Variants in RSPH9 observed in about 807,000 individuals in gnomAD.
RSPH9 encodes the protein radial spoke head protein 9 homolog.
In RSPH9, 27 loss-of-function variants were observed where a neutral mutation model predicts 27.0. That is an observed-to-expected ratio of 1.00 (90% CI 0.74 to 1.38). RSPH9 has a LOEUF of 1.38. Ranked by LOEUF, RSPH9 falls within the 40% of genes most tolerant of loss-of-function variation. The pLI, the probability that RSPH9 is intolerant of heterozygous loss-of-function variation, is 0.00. For synonymous variants in RSPH9, 145 were observed against 147.7 expected (o/e 0.98, Z 0.13); for missense variants, 347 against 357.4 (o/e 0.97, Z 0.24).
At chr6:43,656,777 G>A (rs1336287879) in intron 4 of RSPH9, 54 bp downstream of exon 4, 2 of 1,589,416 alleles carry the variant, frequency 1.3e-6, no homozygotes, top group Non-Finnish European at 1.7e-6. Context: ...CATAGCAGTG[G>A]GCCATGCCAC....
chr6:43,671,876 G>C lies in RSPH9; in HGVS notation c.*927G>C. On this transcript the variant is annotated 3_prime_UTR_variant, in exon 5 of 5. Transcript: ENST00000372163. The stretch of plus-strand genomic sequence containing the variant: ...GGGGGCCTTTTTTGTAGATGGGCTT[G>C]ACGGAGCCAGGAGCCCAGCGCGTCA... 6.2e-7 allele frequency: 1 copy of C among 1,613,392 alleles called. No individual in the cohort carries two copies. Among genetic ancestry groups the C allele is most frequent in the South Asian group, 1.1e-5 (1 of 90,986 alleles).
intron 1 of RSPH9, among the ~76,000 whole-genome samples, chr6:43,649,430 G>A (rs1305876826): frequency 6.6e-6 from 1 of 151,878 alleles, no homozygotes; most frequent in South Asian, 2.1e-4. Flanking sequence ...TGCCCACCTC[G>A]GCCTCCAAAG....
rs117100746 is a variant in RSPH9, at chr6:43,666,145, C to T, written c.671-4644C>T. On this transcript the variant is annotated intron_variant, in intron 4 of 4. Coordinates refer to ENST00000372163, the MANE Select transcript of RSPH9 (RefSeq NM_152732.5). ...CCAGCCTAGGCCCACCTTTTTCTCA[C>T]GATGGTTCGATGAGGGTCATGGCGA... Among the ~76,000 whole-genome samples, 13 of 152,200 alleles carry T rather than the reference C, an allele frequency of 8.5e-5. No homozygotes were observed. In the East Asian group the frequency reaches 1.2e-3, roughly 14 times the overall value.
At chr6:43,659,864 C>T (rs979389136) in intron 4 of RSPH9, among the ~76,000 whole-genome samples, 1 of 151,968 alleles carries the variant, frequency 6.6e-6, no homozygotes, top group Non-Finnish European at 1.5e-5. Context: ...TCCTGAGTAG[C>T]TGGGATTACA....
intron 4 of RSPH9, among the ~76,000 whole-genome samples, chr6:43,662,277 A>G (rs549441547): frequency 6.6e-6 from 1 of 152,252 alleles, no homozygotes; most frequent in African/African-American, 2.4e-5. Context: ...GCTCTGTATT[A>G]GGCTGTGGCT....
chr6:43,665,669 C>T (rs1318108848), intron 4 of RSPH9, among the ~76,000 whole-genome samples: 1 of 152,170 alleles, frequency 6.6e-6, no homozygotes, highest in Non-Finnish European at 1.5e-5. Context: ...GCTTTATGAG[C>T]TGGAACCTTG....
chr6:43,667,344 G>A (rs1426537590), intron 4 of RSPH9, among the ~76,000 whole-genome samples: 1 of 152,240 alleles, frequency 6.6e-6, no homozygotes, highest in Admixed American at 6.5e-5. Context: ...AGAATTGCCA[G>A]GTGCACACAG....
chr6:43,667,360 G>T (rs1366324924), intron 4 of RSPH9, among the ~76,000 whole-genome samples: 1 of 152,232 alleles, frequency 6.6e-6, no homozygotes, highest in African/African-American at 2.4e-5. Context: ...CACAGGCTGG[G>T]GCTCCTTCCC....
At chr6:43,645,388 C>T in intron 1 of RSPH9, 63 bp downstream of exon 1, 1 of 120,274 alleles carries the variant, frequency 8.3e-6, no homozygotes, top group Admixed American at 9.9e-5. Context: ...GCGGGGTGGG[C>T]GGGTCGCAGC....
In RSPH9 at chr6:43,672,384, A is replaced by T. The variant is rs1773777390; in HGVS notation, c.*1435A>T. ...GGTATAAGACCCCTGCCCCTCACCC[A>T]ACCTGTGATGGGAATCAAGGGGTAA... On this transcript the variant is annotated 3_prime_UTR_variant, in exon 5 of 5. Coordinates refer to ENST00000372163, the MANE Select transcript of RSPH9 (RefSeq NM_152732.5). 2.1e-6 allele frequency: 1 copy of T among 471,534 alleles called. No individual in the cohort carries two copies. Among genetic ancestry groups the T allele is most frequent in the African/African-American group, 2.0e-5 (1 of 50,102 alleles). 29.2% of individuals were successfully genotyped at this position (471,534 alleles called of 1,614,324 possible).
intron 2 of RSPH9, among the ~76,000 whole-genome samples, chr6:43,652,142 T>C (rs1041522521): frequency 1.3e-5 from 2 of 151,142 alleles, no homozygotes; most frequent in Admixed American, 1.3e-4. Flanking sequence ...CTGTATCTAC[T>C]AAAAATACAA....
intron 4 of RSPH9, among the ~76,000 whole-genome samples, chr6:43,662,326 C>G (rs930519038): frequency 6.6e-6 from 1 of 151,978 alleles, no homozygotes; most frequent in Non-Finnish European, 1.5e-5. Flanking sequence ...CCTATCTAGA[C>G]CACTCAAACT....
At chr6:43,658,396 A>T (rs79474406) in intron 4 of RSPH9, among the ~76,000 whole-genome samples, 1 of 152,036 alleles carries the variant, frequency 6.6e-6, no homozygotes, top group African/African-American at 2.4e-5. Flanking sequence ...ATCGCAATAA[A>T]GTGAGTCACA....
intron 4 of RSPH9, among the ~76,000 whole-genome samples, chr6:43,664,723 A>G (rs1281307444): frequency 6.6e-6 from 1 of 152,212 alleles, no homozygotes; most frequent in Non-Finnish European, 1.5e-5. Context: ...AGTGACAGAG[A>G]GGAGGGTCTC....
chr6:43,666,695 G>A (rs895647861), intron 4 of RSPH9, among the ~76,000 whole-genome samples: 6 of 152,166 alleles, frequency 3.9e-5, no homozygotes, highest in Non-Finnish European at 8.8e-5. Flanking sequence ...TCCTCCTGCC[G>A]GATCCAGGGT....
chr6:43,645,625 C>T (rs577742264), intron 1 of RSPH9, among the ~76,000 whole-genome samples: 5 of 152,366 alleles, frequency 3.3e-5, no homozygotes, highest in Middle Eastern at 6.8e-3. Flanking sequence ...AGAGCTTGTT[C>T]TCCGCCTGAG....
chr6:43,666,372 A>C, intron 4 of RSPH9: 3 of 1,362,968 alleles, frequency 2.2e-6, no homozygotes, highest in Non-Finnish European at 3.1e-6. Context: ...GGCTGGAGGG[A>C]TGGGATTTGG....
chr6:43,645,655 A>C (rs558742702), intron 1 of RSPH9, among the ~76,000 whole-genome samples: 19 of 151,886 alleles, frequency 1.3e-4, no homozygotes, highest in Admixed American at 1.1e-3. Context: ...AGAAACTTAC[A>C]TGCGGATGGG....
chr6:43,653,217 C>A (rs1771661148), intron 2 of RSPH9, among the ~76,000 whole-genome samples: 1 of 152,030 alleles, frequency 6.6e-6, no homozygotes, highest in South Asian at 2.1e-4. Context: ...TTTGGGAGCC[C>A]AAGGCGGGCA....
Sources: allele counts gnomAD v4.1 joint callset (sites outside exome capture counted in the v4.1 genomes callset), GRCh38; gene constraint gnomAD v4.1.1; transcripts MANE v1.5; gene names NCBI Gene and HGNC (gene_info 2026-07-23, HGNC 2026-07-21).